Variants in NUBPL observed in about 807,000 individuals in gnomAD.
NUBPL encodes the protein iron-sulfur cluster transfer protein NUBPL.
NUBPL carries 31 observed loss-of-function variants against 45.7 expected under a neutral mutation model. The ratio of observed to expected loss-of-function variants is 0.68; its 90% CI spans 0.51 to 0.92. The LOEUF (loss-of-function observed/expected upper bound fraction) is 0.92. Among genes scored for constraint, NUBPL ranks in the 40% least tolerant of loss-of-function variants. The pLI is 0.00. For synonymous variants in NUBPL, 144 were observed against 140.9 expected (o/e 1.02, Z -0.15); for missense variants, 401 against 398.7 (o/e 1.01, Z -0.05).
At chr14:31,599,421 T>A (rs1339313456) in intron 4 of NUBPL, 42 bp downstream of exon 4, 16 of 1,329,472 alleles carry the variant, frequency 1.2e-5, no homozygotes, top group Non-Finnish European at 1.5e-5. Flanking sequence ...TAGTTGCACT[T>A]TTATTAATAC....
intron 6 of NUBPL, among the ~76,000 whole-genome samples, chr14:31,730,577 C>G (rs1419319210): frequency 6.6e-6 from 1 of 151,814 alleles, no homozygotes; most frequent in Non-Finnish European, 1.5e-5. Context: ...CATTCTCCTG[C>G]CTCAGTCTCC....
chr14:31,755,640 T>C (rs1196366991), intron 6 of NUBPL, among the ~76,000 whole-genome samples: 1 of 152,154 alleles, frequency 6.6e-6, no homozygotes, highest in South Asian at 2.1e-4. Flanking sequence ...TTCTCCCATT[T>C]TGTAGGTTGC....
At chr14:31,742,282 C>A (rs1359062241) in intron 6 of NUBPL, among the ~76,000 whole-genome samples, 1 of 116,710 alleles carries the variant, frequency 8.6e-6, no homozygotes, top group Non-Finnish European at 1.9e-5. Flanking sequence ...ACACACACAT[C>A]TTCCTTTCCC....
intron 7 of NUBPL, among the ~76,000 whole-genome samples, chr14:31,802,493 G>C (rs984473146): frequency 6.6e-6 from 1 of 152,062 alleles, no homozygotes; most frequent in Non-Finnish European, 1.5e-5. Flanking sequence ...GGCCAGGATG[G>C]TCTTGATCTC....
chr14:31,746,322 G>A (rs2038399045), intron 6 of NUBPL, among the ~76,000 whole-genome samples: 2 of 151,936 alleles, frequency 1.3e-5, no homozygotes, highest in South Asian at 4.2e-4. Flanking sequence ...GTTAGCTGTG[G>A]TTTTGTCATT....
intron 6 of NUBPL, among the ~76,000 whole-genome samples, chr14:31,775,418 C>CA (rs537681459): frequency 1.9e-4 from 29 of 152,084 alleles, no homozygotes; most frequent in Non-Finnish European, 1.3e-4. Flanking sequence ...AACTCCATCT[C>CA]AAAAAAGCAA....
At chr14:31,684,362 T>C (rs775328757) in intron 6 of NUBPL, among the ~76,000 whole-genome samples, 1 of 152,246 alleles carries the variant, frequency 6.6e-6, no homozygotes, top group Non-Finnish European at 1.5e-5. Flanking sequence ...TATTTTGCAA[T>C]TGATGGCTTT....
intron 7 of NUBPL, among the ~76,000 whole-genome samples, chr14:31,791,340 TA>T (rs1298549560): frequency 8.5e-5 from 13 of 152,284 alleles, no homozygotes; most frequent in African/African-American, 3.1e-4. Flanking sequence ...GATTTATTAA[TA>T]AACCATTATA....
At chr14:31,812,282 C>A (rs889772445) in intron 7 of NUBPL, among the ~76,000 whole-genome samples, 3 of 152,202 alleles carry the variant, frequency 2.0e-5, no homozygotes, top group Non-Finnish European at 4.4e-5. Flanking sequence ...CCTCGTTGAG[C>A]TGTGGTGGGC....
At chr14:31,793,702 T>C (rs1338203446) in intron 7 of NUBPL, among the ~76,000 whole-genome samples, 1 of 152,148 alleles carries the variant, frequency 6.6e-6, no homozygotes, top group East Asian at 1.9e-4. Flanking sequence ...TTTTCCTATT[T>C]ATCATAGTAT....
intron 4 of NUBPL, among the ~76,000 whole-genome samples, chr14:31,606,099 C>CTTTTTTTTT (rs56899102): frequency 8.3e-6 from 1 of 120,524 alleles, no homozygotes; most frequent in Non-Finnish European, 1.7e-5. Flanking sequence ...CTTTTCTTTT[C>CTTTTTTTTT]TTTTTTTTTT....
At chr14:31,662,299 CTTTAT>C (rs1566484250) in intron 4 of NUBPL, among the ~76,000 whole-genome samples, 1 of 54,512 alleles carries the variant, frequency 1.8e-5, no homozygotes, top group Non-Finnish European at 7.8e-5. Context: ...TTTTATTTTA[CTTTAT>C]TTTATTTTAT....
intron 4 of NUBPL, among the ~76,000 whole-genome samples, chr14:31,659,503 T>G (rs8015179): frequency 0.17 from 25,689 of 152,098 alleles, 6,216 homozygotes; most frequent in African/African-American, 0.54. Flanking sequence ...TAAACTGTGT[T>G]TATTATCTTT....
chr14:31,729,050 G>T lies in NUBPL; in HGVS notation c.513+55476G>T, dbSNP rs938377760. Among the ~76,000 whole-genome samples the T allele has an allele frequency of 4.7e-4, 72 of 152,184 alleles. 2 individuals are homozygous for T. The highest frequency in any genetic ancestry group is 4.5e-3 in the Admixed American group (68 of 15,278). Reference sequence around the variant, plus strand: ...AATCCCAGTGCTTTGGGAGGCTGAGGTGGGCGGATCACTTGAGTTCAGGAG... The same window carrying T: ...AATCCCAGTGCTTTGGGAGGCTGAGTTGGGCGGATCACTTGAGTTCAGGAG... On this transcript the variant is annotated intron_variant, in intron 6 of 10. Coordinates refer to ENST00000281081, the MANE Select transcript of NUBPL (RefSeq NM_025152.3).
chr14:31,630,161 A>G (rs2035305193), intron 4 of NUBPL, among the ~76,000 whole-genome samples: 1 of 152,068 alleles, frequency 6.6e-6, no homozygotes, highest in Admixed American at 6.5e-5. Context: ...AGAGCAAAAG[A>G]CTTGTGAAAA....
intron 6 of NUBPL, among the ~76,000 whole-genome samples, chr14:31,721,614 G>GTT (rs538806245): frequency 6.9e-6 from 1 of 145,450 alleles, no homozygotes; most frequent in Non-Finnish European, 1.5e-5. Flanking sequence ...CTCTAGTAAC[G>GTT]TTTTTTTTTT....
At chr14:31,617,398 T>C (rs1334411734) in intron 4 of NUBPL, among the ~76,000 whole-genome samples, 2 of 152,224 alleles carry the variant, frequency 1.3e-5, no homozygotes, top group African/African-American at 4.8e-5. Flanking sequence ...TTCAGTATGA[T>C]ATTGGCTGTG....
intron 10 of NUBPL, among the ~76,000 whole-genome samples, chr14:31,858,182 G>C (rs558554332): frequency 6.6e-6 from 1 of 152,244 alleles, no homozygotes; most frequent in Non-Finnish European, 1.5e-5. Context: ...TGTTATTAAA[G>C]CTATCAGATC....
intron 6 of NUBPL, among the ~76,000 whole-genome samples, chr14:31,676,596 G>A (rs572817274): frequency 2.0e-5 from 3 of 151,690 alleles, no homozygotes; most frequent in Non-Finnish European, 2.9e-5. Context: ...TGTCAGTCTC[G>A]TTACTTTTAA....
Sources: allele counts gnomAD v4.1 joint callset (sites outside exome capture counted in the v4.1 genomes callset), GRCh38; gene constraint gnomAD v4.1.1; transcripts MANE v1.5; gene names NCBI Gene and HGNC (gene_info 2026-07-23, HGNC 2026-07-21).